SRGAP1: variants seen among roughly 807,000 people sequenced by gnomAD.
The protein encoded by SRGAP1 is SLIT-ROBO Rho GTPase activating protein 1.
In SRGAP1, 43 loss-of-function variants were observed where a neutral mutation model predicts 121.9. That is an observed-to-expected ratio of 0.35 (90% CI 0.28 to 0.46). The LOEUF (loss-of-function observed/expected upper bound fraction) is 0.46. SRGAP1 is among the 20% of genes least tolerant of loss of function. The probability of loss-of-function intolerance (pLI) is 1.00; values close to 1 mark genes in which losing one functional copy is unlikely to be tolerated. For synonymous variants in SRGAP1, 447 were observed against 485.4 expected (o/e 0.92, Z 1.04); for missense variants, 1,102 against 1,350.9 (o/e 0.82, Z 2.89).
intron 1 of SRGAP1, among the ~76,000 whole-genome samples, chr12:63,929,697 G>A (rs2031399325): frequency 2.0e-5 from 3 of 151,682 alleles, no homozygotes; most frequent in African/African-American, 7.3e-5. Flanking sequence ...TGCTGCATTT[G>A]TAGTGGTATT....
chr12:64,048,372 T>C lies in SRGAP1; in HGVS notation c.801+4797T>C, dbSNP rs116546464. On this transcript the variant is annotated intron_variant, in intron 6 of 21. Transcript: ENST00000355086. ...GCCGAATAGAACTCCACTGTGTATA[T>C]GTACCACATTTTCATTATCCATTTA... 9.3e-3 allele frequency among the ~76,000 whole-genome samples: 1,416 copies of C among 152,320 alleles called. 19 individuals carry two copies. Among genetic ancestry groups the C allele is most frequent in the African/African-American group, 0.032 (1,330 of 41,582 alleles).
intron 14 of SRGAP1, among the ~76,000 whole-genome samples, chr12:64,095,537 C>T (rs554128848): frequency 1.9e-4 from 29 of 152,222 alleles, no homozygotes; most frequent in Admixed American, 4.6e-4. Flanking sequence ...AGGGAGGCAG[C>T]TCCTCCCTGC....
At chr12:63,903,974 T>C (rs1182328958) in intron 1 of SRGAP1, among the ~76,000 whole-genome samples, 1 of 152,152 alleles carries the variant, frequency 6.6e-6, no homozygotes, top group Non-Finnish European at 1.5e-5. Flanking sequence ...ATAATGAATA[T>C]TTTATATACT....
intron 18 of SRGAP1, among the ~76,000 whole-genome samples, chr12:64,122,769 G>T (rs893937533): frequency 1.3e-5 from 2 of 152,068 alleles, no homozygotes; most frequent in African/African-American, 4.8e-5. Context: ...ATGGTGGCAC[G>T]TGCCTGCAGT....
chr12:63,900,422 T>C (rs1432572717), intron 1 of SRGAP1, among the ~76,000 whole-genome samples: 2 of 151,916 alleles, frequency 1.3e-5, no homozygotes, highest in Non-Finnish European at 2.9e-5. Flanking sequence ...AGCCAGATAG[T>C]ATCAATCTCC....
intron 10 of SRGAP1, among the ~76,000 whole-genome samples, chr12:64,082,909 G>T (rs2035873676): frequency 6.6e-6 from 1 of 152,196 alleles, no homozygotes; most frequent in Non-Finnish European, 1.5e-5. Flanking sequence ...TCTGCCCACT[G>T]GTTGCAGACA....
Position 64,127,772 on chromosome 12 carries a change from G to T in SRGAP1, c.2540+48G>T, listed in dbSNP as rs748488502. The T allele has an allele frequency of 4.4e-6, 7 of 1,605,978 alleles. No homozygotes were observed. The South Asian group carries it at 7.7e-5, about 18-fold the overall frequency. ...GCCCCTAAGCCTCCGCTCCTCCTGG[G>T]GCCATGAGGAGCCACTGCACCTCAG... On this transcript the variant is annotated intron_variant, in intron 20 of 21. Coordinates refer to ENST00000355086, the MANE Select transcript of SRGAP1 (RefSeq NM_020762.4).
intron 10 of SRGAP1, among the ~76,000 whole-genome samples, chr12:64,083,690 A>G (rs1198598711): frequency 1.3e-5 from 2 of 152,244 alleles, no homozygotes; most frequent in Non-Finnish European, 2.9e-5. Context: ...ATACATCTAT[A>G]AAACTGAGGC....
Position 64,144,829 on chromosome 12 carries a change from TC to T in SRGAP1, c.*2162del, listed in dbSNP as rs996649762. ...TAGGAATTTAAACTTTCCAAAATAA[TC>T]CCCCACTTTTTTTTTTTTTTTTTTT... On this transcript the variant is annotated 3_prime_UTR_variant, in exon 22 of 22. Transcript: ENST00000355086. The T allele has an allele frequency of 1.7e-5, 2 of 117,030 alleles. 1 individual carries two copies. Among genetic ancestry groups the T allele is most frequent in the Non-Finnish European group, 3.5e-5 (2 of 56,824 alleles). The allele number at this position is 117,030 out of a possible 1,614,324, so 7.2% of individuals were successfully genotyped here. A position where few individuals can be genotyped will look rare whatever the true frequency, so the allele number is the denominator to read the frequency against.
Position 63,868,035 on chromosome 12 carries a change from CAT to C in SRGAP1, c.67+23173_67+23174del, listed in dbSNP as rs1555232932. ...CTCAAGGGCTGATAAATTCTATTTC[CAT>C]ATATATATATATATATATATTTTTT... On this transcript the variant is annotated intron_variant, in intron 1 of 21. Transcript: ENST00000355086. 1.5e-3 allele frequency among the ~76,000 whole-genome samples: 84 copies of C among 54,824 alleles called. 1 individual carries two copies. The highest frequency in any genetic ancestry group is 4.7e-3 in the East Asian group (9 of 1,896). 36.0% of individuals were successfully genotyped at this position (54,824 alleles called of 152,430 possible).
chr12:63,917,366 G>A (rs1351948081), intron 1 of SRGAP1, among the ~76,000 whole-genome samples: 1 of 152,226 alleles, frequency 6.6e-6, no homozygotes, highest in Non-Finnish European at 1.5e-5. Flanking sequence ...CTCTAAGACA[G>A]TATGGTCCAT....
chr12:63,855,982 G>A (rs1412816217), intron 1 of SRGAP1, among the ~76,000 whole-genome samples: 1 of 152,050 alleles, frequency 6.6e-6, no homozygotes, highest in Admixed American at 6.6e-5. Context: ...TCTAGGCTGG[G>A]CTTGGTGGCT....
intron 1 of SRGAP1, among the ~76,000 whole-genome samples, chr12:63,958,586 T>C (rs967841454): frequency 2.0e-5 from 3 of 152,124 alleles, no homozygotes; most frequent in Non-Finnish European, 4.4e-5. Context: ...AAATACTGAG[T>C]GTGGACAGTG....
intron 18 of SRGAP1, among the ~76,000 whole-genome samples, chr12:64,122,792 AGAGGCT>A (rs2136631704): frequency 6.6e-6 from 1 of 152,186 alleles, no homozygotes; most frequent in African/African-American, 2.4e-5. Flanking sequence ...CGGCTACTCG[AGAGGCT>A]GAGGCATGAG....
At chr12:63,850,526 G>C (rs1899041996) in intron 1 of SRGAP1, among the ~76,000 whole-genome samples, 2 of 151,660 alleles carry the variant, frequency 1.3e-5, no homozygotes, top group African/African-American at 4.9e-5. Context: ...GACCTCCTGG[G>C]CTCAAGCGAT....
chr12:63,871,733 CAAAGTTTAG>C lies in SRGAP1; in HGVS notation c.67+26853_67+26861del. ...CTTCAAAATTAAAAGAAAAATATTC[CAAAGTTTAG>C]AACTGGATCACTTGGTCCTTTCTTT... is the stretch of plus-strand genomic sequence containing the variant. On this transcript the variant is annotated intron_variant, in intron 1 of 21. Coordinates refer to ENST00000355086, the MANE Select transcript of SRGAP1 (RefSeq NM_020762.4). The C allele has an allele frequency of 4.0e-6, 4 of 991,758 alleles. No homozygotes were observed. The South Asian group carries it at 5.8e-5, about 14-fold the overall frequency. The allele number at this position is 991,758 out of a possible 1,614,324, so 61.4% of individuals were successfully genotyped here. A position where few individuals can be genotyped will look rare whatever the true frequency, so the allele number is the denominator to read the frequency against.
At chr12:63,912,897 A>G (rs1453840637) in intron 1 of SRGAP1, among the ~76,000 whole-genome samples, 1 of 152,136 alleles carries the variant, frequency 6.6e-6, no homozygotes, top group African/African-American at 2.4e-5. Context: ...TCCACCTAGA[A>G]GGATTAAATT....
intron 10 of SRGAP1, among the ~76,000 whole-genome samples, chr12:64,082,510 G>A (rs530363901): frequency 3.3e-5 from 5 of 151,640 alleles, no homozygotes; most frequent in African/African-American, 9.7e-5. Flanking sequence ...GAGTGCAGTG[G>A]TGCAATCTAA....
At chr12:63,922,876 C>A (rs906890530) in intron 1 of SRGAP1, among the ~76,000 whole-genome samples, 15 of 152,224 alleles carry the variant, frequency 9.9e-5, no homozygotes, top group African/African-American at 3.6e-4. Flanking sequence ...TGGTCAACCA[C>A]AAGAGTAGAT....
Sources: gnomAD v4.1 joint callset for allele counts (sites outside exome capture counted in the v4.1 genomes callset) on GRCh38, gnomAD v4.1.1 for gene constraint, MANE v1.5 for transcripts, NCBI Gene and HGNC (gene_info 2026-07-23, HGNC 2026-07-21) for gene names.